The following CTTNBP2NL variants were observed in gnomAD, a reference collection of about 807,000 sequenced individuals.
CTTNBP2NL encodes CTTNBP2 N-terminal-like protein.
In CTTNBP2NL, 16 loss-of-function variants were observed where a neutral mutation model predicts 32.5. That is an observed-to-expected ratio of 0.49 (90% confidence interval 0.33 to 0.75). CTTNBP2NL has a LOEUF of 0.75. Ranked by LOEUF, CTTNBP2NL falls within the 30% of genes least tolerant of loss-of-function variation. The pLI is 0.02. For missense variants in CTTNBP2NL, 645 were observed against 756.0 expected (o/e 0.85, Z 1.72); for synonymous variants, 298 against 289.4 (o/e 1.03, Z -0.30).
chr1:112,410,137 A>C (rs1648808826), intron 1 of CTTNBP2NL, among the ~76,000 whole-genome samples: 1 of 152,208 alleles, frequency 6.6e-6, no homozygotes, highest in Non-Finnish European at 1.5e-5. Context: ...TCACACCTGT[A>C]ATCCCAGCAC....
chr1:112,400,127 A>T (rs2100989103), intron 1 of CTTNBP2NL, among the ~76,000 whole-genome samples: 1 of 152,328 alleles, frequency 6.6e-6, no homozygotes, highest in African/African-American at 2.4e-5. Context: ...AATAACTAAA[A>T]TTTAAATCTT....
chr1:112,430,896 A>T (rs1649550864), intron 3 of CTTNBP2NL, among the ~76,000 whole-genome samples: 1 of 152,108 alleles, frequency 6.6e-6, no homozygotes, highest in Admixed American at 6.6e-5. Context: ...TAGCTCTTAA[A>T]AATTATTGTC....
At chr1:112,455,896 T>TAC in intron 5 of CTTNBP2NL, 35 bp from the exon 6 acceptor site, 1 of 1,492,428 alleles carries the variant, frequency 6.7e-7, no homozygotes, top group Non-Finnish European at 9.1e-7. Context: ...TGATCACAGT[T>TAC]TGTCAGTATG....
upstream of CTTNBP2NL, among the ~76,000 whole-genome samples, chr1:112,392,650 G>A (rs1316307718): frequency 6.6e-6 from 1 of 152,070 alleles, no homozygotes; most frequent in Non-Finnish European, 1.5e-5. Flanking sequence ...AACATGAGTG[G>A]GGCCTTTATA....
chr1:112,441,487 C>A (rs140446265), intron 3 of CTTNBP2NL, among the ~76,000 whole-genome samples: 9 of 152,086 alleles, frequency 5.9e-5, no homozygotes, highest in Admixed American at 1.3e-4. Flanking sequence ...GGGGCTATTA[C>A]GAATAAAGCT....
At chr1:112,419,564 A>AT (rs1426769610) in intron 3 of CTTNBP2NL, among the ~76,000 whole-genome samples, 3 of 151,930 alleles carry the variant, frequency 2.0e-5, no homozygotes, top group Non-Finnish European at 4.4e-5. Context: ...ATTAAAAAAA[A>AT]AATAACAATG....
intron 1 of CTTNBP2NL, among the ~76,000 whole-genome samples, chr1:112,401,293 G>A (rs1458612204): frequency 6.6e-6 from 1 of 152,120 alleles, no homozygotes; most frequent in African/African-American, 2.4e-5. Context: ...AAGATTTTTA[G>A]GAGAGTGTGT....
chr1:112,448,285 C>T lies in CTTNBP2NL; in HGVS notation c.100-657C>T, dbSNP rs181144853. 3.5e-3 allele frequency among the ~76,000 whole-genome samples: 528 copies of T among 152,294 alleles called. 1 individual carries two copies. The highest frequency in any genetic ancestry group is 5.9e-3 in the Non-Finnish European group (403 of 68,016). On this transcript the variant is annotated intron_variant, in intron 3 of 5. Transcript: ENST00000271277. ...CTGCATGTCTGGTTATGAGGTGCCT[C>T]CATCCTCCTTGACCCATCAACAACT...
intron 1 of CTTNBP2NL, among the ~76,000 whole-genome samples, chr1:112,401,852 C>G (rs1254888855): frequency 1.3e-5 from 2 of 152,154 alleles, no homozygotes; most frequent in African/African-American, 4.8e-5. Context: ...CTAAATGTGT[C>G]ATTTGCTGTT....
intron 1 of CTTNBP2NL, among the ~76,000 whole-genome samples, chr1:112,409,612 C>G (rs1363508818): frequency 6.6e-6 from 1 of 152,148 alleles, no homozygotes; most frequent in Non-Finnish European, 1.5e-5. Context: ...CCACCCTGCC[C>G]TGCCCTGTCC....
intron 3 of CTTNBP2NL, among the ~76,000 whole-genome samples, chr1:112,430,534 G>A (rs1649539989): frequency 7.1e-6 from 1 of 140,814 alleles, no homozygotes; most frequent in South Asian, 2.3e-4. Context: ...CACCGCACCA[G>A]GCCATAGCTA....
chr1:112,419,040 T>C (rs762524554), intron 3 of CTTNBP2NL, among the ~76,000 whole-genome samples: 9 of 152,154 alleles, frequency 5.9e-5, no homozygotes, highest in African/African-American at 1.4e-4. Context: ...CAATGATAAA[T>C]GGTGAAATAT....
intron 3 of CTTNBP2NL, among the ~76,000 whole-genome samples, chr1:112,433,051 G>GT (rs1252472345): frequency 6.6e-6 from 1 of 151,930 alleles, no homozygotes; most frequent in Non-Finnish European, 1.5e-5. Flanking sequence ...ACTCCTTTGT[G>GT]TTTTTTTCTT....
chr1:112,401,586 C>T (rs1648503546), intron 1 of CTTNBP2NL, among the ~76,000 whole-genome samples: 1 of 152,130 alleles, frequency 6.6e-6, no homozygotes, highest in Admixed American at 6.5e-5. Flanking sequence ...TTTTACCTTA[C>T]TTTTGAAGAC....
chr1:112,456,705 C>A lies in CTTNBP2NL; in HGVS notation c.1213C>A (p.Pro405Thr), dbSNP rs777041297. 3 of 1,614,054 alleles carry A rather than the reference C, an allele frequency of 1.9e-6. No individual in the cohort carries two copies. Among genetic ancestry groups the A allele is most frequent in the South Asian group, 2.2e-5 (2 of 91,078 alleles). ...TGAGACTCCAGTCCCAATGCCCAGTCCCCTCTCTTCCAGTGGGAGCTCACT... is the reference window on the plus strand; with the variant it reads ...TGAGACTCCAGTCCCAATGCCCAGTACCCTCTCTTCCAGTGGGAGCTCACT... The part of the protein sequence containing the change: ...GIETPVPMPS[P>T]LSSSGSSLSP... The change falls in exon 6 of 6, where the codon CCC becomes ACC. Residue 405 changes from proline to threonine, a missense_variant. Physicochemically the swap from Pro to Thr is conservative, Grantham distance 38. Transcript: ENST00000271277.
At chr1:112,446,800 T>A (rs1310780439) in intron 3 of CTTNBP2NL, among the ~76,000 whole-genome samples, 1 of 152,188 alleles carries the variant, frequency 6.6e-6, no homozygotes, top group Non-Finnish European at 1.5e-5. Flanking sequence ...TTCTCCTGCC[T>A]CTGCCTCCCA....
chr1:112,397,386 C>A (rs1557881581), intron 1 of CTTNBP2NL, among the ~76,000 whole-genome samples: 1 of 152,090 alleles, frequency 6.6e-6, no homozygotes, highest in Non-Finnish European at 1.5e-5. Flanking sequence ...TTAATCTAGT[C>A]CTATGTCCTT....
rs142360254 is a variant in CTTNBP2NL at position 112,415,702 on chromosome 1, G to A, written c.-9-455G>A. On this transcript the variant is annotated intron_variant, in intron 2 of 5. Transcript: ENST00000271277. ...CTCCCGAGTAGCTGGGACTACAGGC[G>A]TGCCCCACCATGCCCGGCTAATGTT... is the stretch of plus-strand genomic sequence containing the variant. The A allele has an allele frequency of 8.5e-3, 1,474 of 173,676 alleles. 17 individuals carry two copies. Among genetic ancestry groups the A allele is most frequent in the Middle Eastern group, 0.016 (6 of 374 alleles). 10.8% of individuals were successfully genotyped at this position (173,676 alleles called of 1,614,324 possible).
chr1:112,435,310 CTTTATG>C (rs1345329968), intron 3 of CTTNBP2NL, among the ~76,000 whole-genome samples: 1 of 151,760 alleles, frequency 6.6e-6, no homozygotes, highest in African/African-American at 2.4e-5. Context: ...TGTTTACTTT[CTTTATG>C]TTTATTATTA....
Sources: gnomAD v4.1 joint callset for allele counts (sites outside exome capture counted in the v4.1 genomes callset) on GRCh38, gnomAD v4.1.1 for gene constraint, MANE v1.5 for transcripts, NCBI Gene and HGNC (gene_info 2026-07-23, HGNC 2026-07-21) for gene names.